The following ST14 variants were observed in gnomAD, a reference collection of about 807,000 sequenced individuals.
ST14 encodes the protein suppressor of tumorigenicity 14 protein.
ST14 carries 40 observed loss-of-function variants against 96.5 expected under a neutral mutation model. The observed-to-expected ratio is 0.41, with a 90% confidence interval of 0.32 to 0.54. ST14 has a LOEUF of 0.54. Ranked by LOEUF, ST14 falls within the 20% of genes least tolerant of loss-of-function variation. ST14 has a pLI of 0.17. For synonymous variants in ST14, 506 were observed against 492.1 expected (o/e 1.03, Z -0.37); for missense variants, 1,066 against 1,188.9 (o/e 0.90, Z 1.52).
chr11:130,188,468 G>T lies in ST14; in HGVS notation c.242-62G>T. ...CTGGCATTCATTCCCCATTGTGGAC[G>T]GCGAGGGACAGGCGGGGGTGGTACC... On this transcript the variant is annotated intron_variant, in intron 2 of 18. Coordinates refer to ENST00000278742, the MANE Select transcript of ST14 (RefSeq NM_021978.4). The surrounding 1 kb of genome is among the most constrained non-coding windows in gnomAD (Gnocchi z 5.4). 13 of 1,611,272 alleles carry T rather than the reference G, an allele frequency of 8.1e-6. No homozygotes were observed. The South Asian group carries it at 1.4e-4, about 18-fold the overall frequency.
At chr11:130,166,087 G>C (rs533025996) in intron 1 of ST14, among the ~76,000 whole-genome samples, 41 of 152,324 alleles carry the variant, frequency 2.7e-4, no homozygotes, top group African/African-American at 9.1e-4. Context: ...CTTTTGATGA[G>C]GTTCCTTAGC....
In ST14 at chr11:130,174,430, G is replaced by T. The variant is rs1014313398; in HGVS notation, c.82-13684G>T. 5.9e-4 allele frequency among the ~76,000 whole-genome samples: 87 copies of T among 148,618 alleles called. 4 individuals carry two copies. Among genetic ancestry groups the T allele is most frequent in the Non-Finnish European group, 7.4e-5 (5 of 67,632 alleles). On this transcript the variant is annotated intron_variant, in intron 1 of 18. Transcript: ENST00000278742. ...TGAAAGTGTGGCAGAGCTGAATTTT[G>T]AACCCAAATCTATCTGACTCCAAAT...
intron 1 of ST14, among the ~76,000 whole-genome samples, chr11:130,176,307 G>A (rs923136395): frequency 1.3e-5 from 2 of 151,898 alleles, no homozygotes; most frequent in African/African-American, 4.8e-5. Context: ...GTTCTCTGCA[G>A]GGGGTTCCCT....
At position 130,196,559 on chromosome 11, in the gene ST14, C is replaced by T. The variant is rs747576249; in HGVS notation, c.1224-11C>T. 9 of 1,609,280 alleles carry T rather than the reference C, an allele frequency of 5.6e-6. No homozygotes were observed. Among genetic ancestry groups the T allele is most frequent in the African/African-American group, 4.0e-5 (3 of 74,750 alleles). On this transcript the variant is annotated splice_polypyrimidine_tract_variant and intron_variant, in intron 10 of 18. Transcript: ENST00000278742. ...TGTCCCTCCTCACCTTGTGCCCCGC[C>T]CCCCCTCCAGATACTGCGGAGAGAG...
Position 130,166,232 on chromosome 11 carries a change from A to G in ST14, c.81+6172A>G, listed in dbSNP as rs115852541. ...AACCAATTCACCCACCTCTGCCAAC[A>G]AATCACTTTTCACGCCTCTTTCCCC... is the stretch of plus-strand genomic sequence containing the variant. On this transcript the variant is annotated intron_variant, in intron 1 of 18. Coordinates refer to ENST00000278742, the MANE Select transcript of ST14 (RefSeq NM_021978.4). Among the ~76,000 whole-genome samples, 352 of 152,328 alleles carry G rather than the reference A, an allele frequency of 2.3e-3. 2 individuals carry two copies. The highest frequency in any genetic ancestry group is 8.1e-3 in the African/African-American group (335 of 41,570).
intron 1 of ST14, among the ~76,000 whole-genome samples, chr11:130,173,649 C>G (rs888416182): frequency 6.6e-6 from 1 of 151,530 alleles, no homozygotes; most frequent in Non-Finnish European, 1.5e-5. Flanking sequence ...AAGACCTTAA[C>G]AGCACAAGTC....
At chr11:130,163,144 G>A (rs1953010703) in intron 1 of ST14, among the ~76,000 whole-genome samples, 1 of 152,090 alleles carries the variant, frequency 6.6e-6, no homozygotes, top group Non-Finnish European at 1.5e-5. Context: ...TAGGTCGCCT[G>A]TCGAGAGGCT....
chr11:130,190,736 G>A (rs761976233), intron 7 of ST14, 42 bp downstream of exon 7: 13 of 1,534,288 alleles, frequency 8.5e-6, no homozygotes, highest in South Asian at 2.4e-5. Flanking sequence ...GGAGCTTGGC[G>A]GCTGCCCTGT....
At chr11:130,190,189 G>T in intron 6 of ST14, 41 bp downstream of exon 6, 3 of 1,613,806 alleles carry the variant, frequency 1.9e-6, no homozygotes, top group Non-Finnish European at 2.5e-6. Context: ...TGGGGAAGAG[G>T]CGGGATGTGG....
chr11:130,188,357 T>C lies in ST14; in HGVS notation c.241+84T>C. The C allele has an allele frequency of 6.3e-7, 1 of 1,581,302 alleles. No individual in the cohort carries two copies. Among genetic ancestry groups the C allele is most frequent in the Admixed American group, 1.7e-5 (1 of 58,720 alleles). On this transcript the variant is annotated intron_variant, in intron 2 of 18. Transcript: ENST00000278742. The surrounding 1 kb of genome is among the most constrained non-coding windows in gnomAD (Gnocchi z 5.4). ...CTCAGCGGACAGACCCAGGGCCACC[T>C]ACTGAGTACACGAGGATCTCTTGGC...
At chr11:130,209,014 A>T (rs1953518259) in intron 17 of ST14, among the ~76,000 whole-genome samples, 1 of 152,200 alleles carries the variant, frequency 6.6e-6, no homozygotes, top group African/African-American at 2.4e-5. Flanking sequence ...GGGGGTGGGT[A>T]TGAAGGGAAG....
Position 130,159,839 on chromosome 11 carries a change from G to A in ST14, c.-141G>A. 3.9e-6 allele frequency: 1 copy of A among 259,208 alleles called. No individual in the cohort carries two copies. The highest frequency in any genetic ancestry group is 7.0e-6 in the Non-Finnish European group (1 of 143,442). 16.1% of individuals were successfully genotyped at this position (259,208 alleles called of 1,614,324 possible). On this transcript the variant is annotated 5_prime_UTR_variant, in exon 1 of 19. Coordinates refer to ENST00000278742, the MANE Select transcript of ST14 (RefSeq NM_021978.4). ...AGAGGGAGAGAGAGCGCGCCAGGGCGAGGGCACCGCCGCCGGTCGGGCGCG... is the reference window on the plus strand; with the variant it reads ...AGAGGGAGAGAGAGCGCGCCAGGGCAAGGGCACCGCCGCCGGTCGGGCGCG...
intron 16 of ST14, among the ~76,000 whole-genome samples, chr11:130,206,428 C>T (rs529069816): frequency 1.1e-3 from 164 of 152,234 alleles, no homozygotes; most frequent in African/African-American, 3.8e-3. Flanking sequence ...GTACTTTGCC[C>T]GGCGTCTCAG....
intron 16 of ST14, among the ~76,000 whole-genome samples, chr11:130,204,345 T>G (rs1268131443): frequency 6.6e-6 from 1 of 152,160 alleles, no homozygotes; most frequent in Non-Finnish European, 1.5e-5. Flanking sequence ...TGGCAACTCT[T>G]GGGAATTCTT....
At position 130,189,824 on chromosome 11, in the gene ST14, G is replaced by A; in HGVS notation, c.526G>A (p.Glu176Lys). ...VEEAERVMAE[E>K]RVVMLPPRAR... ...GGAGGCCGAGCGCGTCATGGCCGAG[G>A]AGCGCGTAGTCATGCTGCCCCCGCG... The change falls in exon 5 of 19, where the codon GAG (glutamate) becomes AAG (lysine). Residue 176 changes from glutamate (E) to lysine (K), a missense_variant. Glu to Lys is a moderately conservative substitution (Grantham distance 56). Coordinates refer to ENST00000278742, the MANE Select transcript of ST14 (RefSeq NM_021978.4). The A allele has an allele frequency of 1.2e-6, 2 of 1,613,922 alleles. No homozygotes were observed. The highest frequency in any genetic ancestry group is 1.1e-5 in the South Asian group (1 of 91,084).
At chr11:130,178,021 C>G (rs1953157527) in intron 1 of ST14, among the ~76,000 whole-genome samples, 1 of 152,246 alleles carries the variant, frequency 6.6e-6, no homozygotes, top group Admixed American at 6.5e-5. Context: ...AGAGACAGCT[C>G]TCCTTAGTAC....
intron 7 of ST14, 99 bp from the exon 8 acceptor site, chr11:130,194,050 G>C: frequency 6.6e-7 from 1 of 1,511,436 alleles, no homozygotes; most frequent in African/African-American, 1.4e-5. Flanking sequence ...AGAGTTAGGG[G>C]TGGGGTCCTC....
At chr11:130,200,208 G>C in intron 16 of ST14, 71 bp downstream of exon 16, 1 of 1,576,986 alleles carries the variant, frequency 6.3e-7, no homozygotes, top group African/African-American at 1.4e-5. Context: ...GCCAGGATAG[G>C]TTGGCACCGA....
At chr11:130,180,872 A>G (rs1953185584) in intron 1 of ST14, among the ~76,000 whole-genome samples, 1 of 152,052 alleles carries the variant, frequency 6.6e-6, no homozygotes, top group African/African-American at 2.4e-5. Flanking sequence ...CTTGGGGAGG[A>G]TATGCATCAG....
Sources: gnomAD v4.1 joint callset for allele counts (sites outside exome capture counted in the v4.1 genomes callset) on GRCh38, gnomAD v4.1.1 for gene constraint, Gnocchi (gnomAD v3.1) non-coding constraint, MANE v1.5 for transcripts, NCBI Gene and HGNC (gene_info 2026-07-23, HGNC 2026-07-21) for gene names.